NRXN1: variants seen among roughly 807,000 people sequenced by gnomAD.
The protein encoded by NRXN1 is neurexin 1.
A neutral mutation model predicts 150.9 loss-of-function variants in NRXN1; 39 were observed. The ratio of observed to expected loss-of-function variants is 0.26; its 90% CI spans 0.20 to 0.34. The LOEUF is 0.34. Among genes scored for constraint, NRXN1 ranks in the 10% least tolerant of loss-of-function variants. The probability of loss-of-function intolerance (pLI) is 1.00; values close to 1 mark genes in which losing one functional copy is unlikely to be tolerated. For missense variants in NRXN1, 1,815 were observed against 1,949.9 expected (o/e 0.93, Z 1.30); for synonymous variants, 924 against 757.0 (o/e 1.22, Z -3.62).
chr2:50,598,409 AT>A (rs1466895853), intron 8 of NRXN1, among the ~76,000 whole-genome samples: 5 of 151,738 alleles, frequency 3.3e-5, no homozygotes, highest in African/African-American at 7.2e-5. Flanking sequence ...AATTAAAAAA[AT>A]AAAAAATAAA....
intron 5 of NRXN1, among the ~76,000 whole-genome samples, chr2:50,867,150 T>G (rs1677057391): frequency 6.6e-6 from 1 of 151,892 alleles, no homozygotes; most frequent in African/African-American, 2.4e-5. Context: ...GTTTTTTCAC[T>G]TGATGCATAA....
chr2:50,410,543 C>T (rs1418715240), intron 17 of NRXN1, among the ~76,000 whole-genome samples: 1 of 152,114 alleles, frequency 6.6e-6, no homozygotes, highest in Non-Finnish European at 1.5e-5. Context: ...ACTCATTCTC[C>T]CAAAGACCAG....
intron 2 of NRXN1, among the ~76,000 whole-genome samples, chr2:51,012,908 C>A (rs1668104796): frequency 6.6e-6 from 1 of 152,064 alleles, no homozygotes; most frequent in East Asian, 1.9e-4. Flanking sequence ...TATTTTTCTG[C>A]CCTCTAATCT....
At chr2:50,322,673 T>G (rs2076129398) in intron 17 of NRXN1, among the ~76,000 whole-genome samples, 1 of 152,194 alleles carries the variant, frequency 6.6e-6, no homozygotes, top group Non-Finnish European at 1.5e-5. Flanking sequence ...TCAATGTTAT[T>G]TTATTTTCCC....
intron 2 of NRXN1, among the ~76,000 whole-genome samples, chr2:50,933,494 G>C (rs1365913039): frequency 1.3e-5 from 2 of 151,970 alleles, no homozygotes; most frequent in Non-Finnish European, 2.9e-5. Flanking sequence ...TATACAAACT[G>C]CAATTCTCTT....
chr2:50,721,285 T>A (rs1165786467), intron 5 of NRXN1, among the ~76,000 whole-genome samples: 1 of 152,108 alleles, frequency 6.6e-6, no homozygotes, highest in Non-Finnish European at 1.5e-5. Context: ...GCAGGTTGGA[T>A]AATCTACAAC....
chr2:50,648,604 T>TA (rs1175364220), intron 5 of NRXN1, among the ~76,000 whole-genome samples: 2 of 151,948 alleles, frequency 1.3e-5, no homozygotes, highest in Admixed American at 6.6e-5. Flanking sequence ...TAACCAGACA[T>TA]ACCAGAAAAA....
intron 17 of NRXN1, among the ~76,000 whole-genome samples, chr2:50,243,842 C>G (rs1459809531): frequency 6.6e-6 from 1 of 151,432 alleles, no homozygotes; most frequent in Non-Finnish European, 1.5e-5. Flanking sequence ...CTAGCCCAGC[C>G]AAGATACCAT....
At chr2:50,379,200 T>A (rs968473350) in intron 17 of NRXN1, among the ~76,000 whole-genome samples, 1 of 152,130 alleles carries the variant, frequency 6.6e-6, no homozygotes, top group Non-Finnish European at 1.5e-5. Flanking sequence ...GACTGGACTA[T>A]CCCCATGACA....
intron 12 of NRXN1, among the ~76,000 whole-genome samples, chr2:50,526,513 T>A (rs1482779101): frequency 2.0e-5 from 3 of 152,152 alleles, no homozygotes; most frequent in African/African-American, 7.2e-5. Context: ...TAATTTAGTT[T>A]TTATTGAGTA....
chr2:50,190,596 C>T (rs1318354902), intron 18 of NRXN1, among the ~76,000 whole-genome samples: 3 of 149,338 alleles, frequency 2.0e-5, no homozygotes, highest in South Asian at 2.1e-4. Context: ...ATTATCACAC[C>T]TTCTAACTTT....
At chr2:50,308,964 G>T (rs1186098033) in intron 17 of NRXN1, among the ~76,000 whole-genome samples, 7 of 152,182 alleles carry the variant, frequency 4.6e-5, no homozygotes, top group Non-Finnish European at 8.8e-5. Flanking sequence ...AGACATGTTT[G>T]TAAAGCACTT....
intron 8 of NRXN1, among the ~76,000 whole-genome samples, chr2:50,618,471 C>G (rs1679400508): frequency 6.6e-6 from 1 of 151,978 alleles, no homozygotes; most frequent in African/African-American, 2.4e-5. Context: ...TAGTTTGTAA[C>G]AAATTTGAGA....
intron 13 of NRXN1, among the ~76,000 whole-genome samples, chr2:50,502,329 G>C (rs1472759010): frequency 6.6e-6 from 1 of 152,068 alleles, no homozygotes; most frequent in Non-Finnish European, 1.5e-5. Flanking sequence ...GAAGAAATGA[G>C]ACAAACAGTC....
At chr2:50,155,102 G>A (rs149838557) in intron 18 of NRXN1, among the ~76,000 whole-genome samples, 292 of 151,520 alleles carry the variant, frequency 1.9e-3, no homozygotes, top group African/African-American at 6.7e-3. Context: ...TGATTACTCC[G>A]TGAGGTAATT....
chr2:50,520,659 T>C (rs2092761493), intron 12 of NRXN1, among the ~76,000 whole-genome samples: 1 of 152,098 alleles, frequency 6.6e-6, no homozygotes, highest in Admixed American at 6.5e-5. Context: ...ACTTAATTGA[T>C]TGCATAAAGA....
chr2:50,705,049 AAC>A lies in NRXN1; in HGVS notation c.833-81436_833-81435del, dbSNP rs10679163. On this transcript the variant is annotated intron_variant, in intron 5 of 22. Transcript: ENST00000401669. ...TTTACAATATATACACAGAAACACA[AAC>A]ACACACACACACACACACACACACA... Among the ~76,000 whole-genome samples, 1,291 of 145,652 alleles carry A rather than the reference AAC, an allele frequency of 8.9e-3. 11 individuals carry two copies. The highest frequency in any genetic ancestry group is 0.023 in the African/African-American group (900 of 39,738).
intron 5 of NRXN1, among the ~76,000 whole-genome samples, chr2:50,634,096 T>C (rs1319382903): frequency 6.6e-6 from 1 of 152,214 alleles, no homozygotes; most frequent in Admixed American, 6.5e-5. Context: ...GGGATGGGGC[T>C]ATGTCATGTA....
intron 18 of NRXN1, among the ~76,000 whole-genome samples, chr2:50,130,720 T>G (rs1276961613): frequency 6.6e-6 from 1 of 152,224 alleles, no homozygotes; most frequent in East Asian, 1.9e-4. Flanking sequence ...TATACTGTTT[T>G]CATTATTAAC....
Sources: gnomAD v4.1 joint callset for allele counts (sites outside exome capture counted in the v4.1 genomes callset) on GRCh38, gnomAD v4.1.1 for gene constraint, MANE v1.5 for transcripts, NCBI Gene and HGNC (gene_info 2026-07-23, HGNC 2026-07-21) for gene names.